Variants in CHAT observed in about 807,000 individuals in gnomAD.
CHAT encodes the protein choline O-acetyltransferase, also known as acetyl CoA:choline O-acetyltransferase.
A neutral mutation model predicts 76.9 loss-of-function variants in CHAT; 61 were observed. The observed-to-expected ratio is 0.79, with a 90% CI of 0.65 to 0.98. The LOEUF is 0.98. CHAT is among the 50% of genes least tolerant of loss of function. The pLI is 0.00. For synonymous variants in CHAT, 407 were observed against 397.4 expected, an observed-to-expected ratio of 1.02 and a Z score of -0.29; for missense variants, 946 against 986.9, an observed-to-expected ratio of 0.96 and a Z score of 0.56.
upstream of CHAT, chr10:49,611,806 C>T: frequency 1.2e-6 from 2 of 1,603,648 alleles, no homozygotes; most frequent in Non-Finnish European, 1.7e-6. Flanking sequence ...CCCACACCTG[C>T]AGTGGCTGTA....
intron 6 of CHAT, among the ~76,000 whole-genome samples, chr10:49,626,410 GT>G (rs1178211759): frequency 6.6e-6 from 1 of 152,152 alleles, no homozygotes; most frequent in Non-Finnish European, 1.5e-5. Flanking sequence ...TAAAACCCAA[GT>G]TTGGCAACCA....
At chr10:49,634,782 C>A (rs867749635) in intron 7 of CHAT, among the ~76,000 whole-genome samples, 1 of 152,138 alleles carries the variant, frequency 6.6e-6, no homozygotes, top group South Asian at 2.1e-4. Flanking sequence ...TTCTGGAAGC[C>A]TGACAGCTCT....
rs1376945389 is a variant in CHAT at position 49,614,440 on chromosome 10, C to T, written c.251C>T (p.Ala84Val). 1 of 1,547,778 alleles carries T rather than the reference C, an allele frequency of 6.5e-7. No individual in the cohort carries two copies. The highest frequency in any genetic ancestry group is 2.4e-5 in the East Asian group (1 of 40,968). ...GCCCACACTCCTGAGTGGTGCGGTG[C>T]AGCGTCGGCCGAGGCAGCAGAGCCG... ...TPAHTPEWCG[A>V]ASAEAAEPRR... The change falls in exon 1 of 15, where the codon GCA becomes GTA. Residue 84 changes from alanine to valine, a missense_variant. Coordinates refer to ENST00000337653, the MANE Select transcript of CHAT (RefSeq NM_020549.5).
At chr10:49,611,249 C>T (rs1349984544), upstream of CHAT, 1 of 1,613,276 alleles carries the variant, frequency 6.2e-7, no homozygotes, top group East Asian at 2.2e-5. Flanking sequence ...GTCCTGTTCG[C>T]CTTCGCCGAG....
At position 49,655,079 on chromosome 10, in the gene CHAT, C is replaced by T. The variant is rs1468338832; in HGVS notation, c.1635-16C>T. The T allele has an allele frequency of 1.9e-6, 3 of 1,613,874 alleles. No homozygotes were observed. Among genetic ancestry groups the T allele is most frequent in the Non-Finnish European group, 1.7e-6 (2 of 1,179,872 alleles). Reference sequence around the variant, plus strand: ...GAATAAATTACCATGTGCCATTCATCCTTCATCCCACGCAGGCTCCATCGA... The same window carrying T: ...GAATAAATTACCATGTGCCATTCATTCTTCATCCCACGCAGGCTCCATCGA... On this transcript the variant is annotated splice_polypyrimidine_tract_variant and intron_variant, in intron 11 of 14. Transcript: ENST00000337653.
chr10:49,654,568 G>T (rs763046294), intron 11 of CHAT, among the ~76,000 whole-genome samples: 14 of 152,250 alleles, frequency 9.2e-5, no homozygotes, highest in Non-Finnish European at 1.9e-4. Context: ...CATCAGGGAA[G>T]AGAGGCACAG....
intron 7 of CHAT, among the ~76,000 whole-genome samples, chr10:49,635,878 C>T (rs929347003): frequency 1.3e-5 from 2 of 152,046 alleles, no homozygotes; most frequent in Non-Finnish European, 2.9e-5. Context: ...TAAGAGGATA[C>T]CTACTCTTAC....
chr10:49,610,798 G>T (rs1435047519), upstream of CHAT: 2 of 1,589,894 alleles, frequency 1.3e-6, no homozygotes, highest in Admixed American at 1.8e-5. Context: ...GCTGTCGGAG[G>T]CTGTGGGCGC....
chr10:49,623,644 CA>C (rs1838809575), intron 5 of CHAT, among the ~76,000 whole-genome samples: 1 of 152,182 alleles, frequency 6.6e-6, no homozygotes, highest in Admixed American at 6.5e-5. Context: ...GGGTGTCTCT[CA>C]GTCATTACAA....
chr10:49,665,018 C>T lies in CHAT; in HGVS notation c.2219C>T (p.Thr740Met), dbSNP rs755783618. The change falls in exon 15 of 15, where the codon ACG becomes ATG. Residue 740 changes from threonine to methionine, a missense_variant. This residue lies in a region of CHAT where 349 missense variants were observed against 393.9 expected (regional missense o/e 0.89). Coordinates refer to ENST00000337653, the MANE Select transcript of CHAT (RefSeq NM_020549.5). ...CCATTGGCAACAAAGGAAAAAGCCA[C>T]GAGGCCCAGCCAGGGACACCAACCT... ...SKPLATKEKA[T>M]RPSQGHQP 38 of 1,614,046 alleles carry T rather than the reference C, an allele frequency of 2.4e-5. No individual in the cohort carries two copies. Among genetic ancestry groups the T allele is most frequent in the South Asian group, 1.3e-4 (12 of 91,086 alleles).
chr10:49,612,355 T>G, upstream of CHAT: 1 of 1,565,124 alleles, frequency 6.4e-7, no homozygotes. Flanking sequence ...CCACTCCTCC[T>G]CCAGCCCACC....
intron 11 of CHAT, among the ~76,000 whole-genome samples, chr10:49,653,548 T>C (rs1384206490): frequency 6.6e-6 from 1 of 152,220 alleles, no homozygotes; most frequent in African/African-American, 2.4e-5. Flanking sequence ...CAGTGTCCCC[T>C]GCGGGGCTGT....
Position 49,619,901 on chromosome 10 carries a change from G to A in CHAT, c.564G>A (p.Glu188=). The A allele has an allele frequency of 6.2e-7, 1 of 1,612,110 alleles. No individual in the cohort carries two copies. The highest frequency in any genetic ancestry group is 8.5e-7 in the Non-Finnish European group (1 of 1,179,424). ...TLQQKLLERQ[E]KTANWVSEYW... ...AGCAGAAACTCCTGGAGCGGCAGGA[G>A]AAGACAGCCAACTGGGTAAGAGGGG... is the stretch of plus-strand genomic sequence containing the variant. The change falls in exon 3 of 15, where the codon GAG becomes GAA. Residue 188 remains glutamate (E), a synonymous_variant. Transcript: ENST00000337653.
intron 7 of CHAT, among the ~76,000 whole-genome samples, chr10:49,645,962 G>A (rs1839647355): frequency 6.6e-6 from 1 of 152,218 alleles, no homozygotes; most frequent in South Asian, 2.1e-4. Flanking sequence ...CAGCTTGGGG[G>A]CAGGGAGGTG....
At chr10:49,611,010 C>G, upstream of CHAT, 1 of 1,613,728 alleles carries the variant, frequency 6.2e-7, no homozygotes, top group Non-Finnish European at 8.5e-7. Flanking sequence ...CGGCCAATGC[C>G]AGCGCCTACA....
chr10:49,652,456 T>C (rs1170233728), intron 11 of CHAT, among the ~76,000 whole-genome samples: 2 of 152,182 alleles, frequency 1.3e-5, no homozygotes, highest in Non-Finnish European at 2.9e-5. Flanking sequence ...CATCCTTGAT[T>C]CTGCCCTTTC....
chr10:49,649,949 G>GA (rs1375582647), intron 10 of CHAT, among the ~76,000 whole-genome samples: 2 of 150,628 alleles, frequency 1.3e-5, no homozygotes, highest in African/African-American at 2.4e-5. Flanking sequence ...CTGCTTTAGG[G>GA]GGAGTAATAA....
At chr10:49,662,513 G>A (rs985153881) in intron 13 of CHAT, 132 bp from the exon 14 acceptor site, 4 of 1,170,504 alleles carry the variant, frequency 3.4e-6, no homozygotes, top group Non-Finnish European at 2.5e-6. Context: ...ACACATTGTT[G>A]GCAGCAGGCA....
At chr10:49,615,405 T>C (rs1161709823) in intron 1 of CHAT, among the ~76,000 whole-genome samples, 2 of 152,172 alleles carry the variant, frequency 1.3e-5, no homozygotes, top group Non-Finnish European at 2.9e-5. Flanking sequence ...GGGCTTTACA[T>C]TCTCTGCCCA....
Sources: allele counts gnomAD v4.1 joint callset (sites outside exome capture counted in the v4.1 genomes callset), GRCh38; gene constraint gnomAD v4.1.1; regional missense constraint gnomAD v4.1.1; transcripts MANE v1.5; gene names NCBI Gene and HGNC (gene_info 2026-07-23, HGNC 2026-07-21).